ZNF761: variants seen among roughly 807,000 people sequenced by gnomAD.
The protein encoded by ZNF761 is zinc finger protein 761.
A neutral mutation model predicts 59.9 loss-of-function variants in ZNF761; 43 were observed. The ratio of observed to expected loss-of-function variants is 0.72; its 90% CI spans 0.56 to 0.92. The LOEUF is 0.92. Among genes scored for constraint, ZNF761 ranks in the 40% least tolerant of loss-of-function variants. The probability of loss-of-function intolerance (pLI) is 0.00; values close to 1 mark genes in which losing one functional copy is unlikely to be tolerated. For missense variants in ZNF761, 850 were observed against 906.1 expected (o/e 0.94, Z 0.79); for synonymous variants, 294 against 304.8 (o/e 0.96, Z 0.37).
At chr19:53,451,505 C>CCTGT in intron 4 of ZNF761, among the ~76,000 whole-genome samples, 1 of 152,256 alleles carries the variant, frequency 6.6e-6, no homozygotes, top group South Asian at 2.1e-4. Context: ...CCGCACCCAG[C>CCTGT]CTGTCTGTCT....
chr19:53,442,877 GTGA>G (rs2086114708), intron 1 of ZNF761: 1 of 350,480 alleles, frequency 2.9e-6, no homozygotes, highest in African/African-American at 3.3e-5. Flanking sequence ...AAATCATGTT[GTGA>G]AAAAAAAAAT....
In ZNF761 at chr19:53,456,345, A is replaced by G; in HGVS notation, c.1838A>G (p.Lys613Arg). Reference sequence around the variant, plus strand: ...CCTTACAAGTGTAATGAGTGTGGCAAGACCTTCAGTCGGACGTCATCCCTT... The same window carrying G: ...CCTTACAAGTGTAATGAGTGTGGCAGGACCTTCAGTCGGACGTCATCCCTT... ...ENPYKCNECG[K>R]TFSRTSSLTC... The change falls in exon 5 of 5, where the codon AAG (lysine) becomes AGG (arginine). Residue 613 changes from lysine to arginine, a missense_variant. Coordinates refer to ENST00000684525, the MANE Select transcript of ZNF761 (RefSeq NM_001289951.2). The G allele has an allele frequency of 1.2e-6, 2 of 1,611,578 alleles. No homozygotes were observed. Among genetic ancestry groups the G allele is most frequent in the Non-Finnish European group, 8.5e-7 (1 of 1,178,140 alleles).
At chr19:53,440,146 C>CA (rs2086083802) in intron 1 of ZNF761, among the ~76,000 whole-genome samples, 1 of 129,646 alleles carries the variant, frequency 7.7e-6, no homozygotes, top group East Asian at 2.0e-4. Flanking sequence ...GTGAGACCCC[C>CA]CCGTCTTGGC....
intron 1 of ZNF761, among the ~76,000 whole-genome samples, chr19:53,445,573 C>T (rs1165507235): frequency 6.6e-6 from 1 of 152,028 alleles, no homozygotes; most frequent in Non-Finnish European, 1.5e-5. Context: ...TGACCCAGTC[C>T]CCTGAAATGA....
chr19:53,436,463 A>G (rs1420733668), intron 1 of ZNF761, among the ~76,000 whole-genome samples: 1 of 152,204 alleles, frequency 6.6e-6, no homozygotes, highest in East Asian at 1.9e-4. Context: ...ACAAACTCTA[A>G]TAAGGTGAAT....
rs7258770 is a variant in ZNF761, at chr19:53,456,313, A to G, written c.1806A>G (p.Glu602=). The change falls in exon 5 of 5, where the codon GAA becomes GAG. Residue 602 remains glutamate (E), a synonymous_variant. Coordinates refer to ENST00000684525, the MANE Select transcript of ZNF761 (RefSeq NM_001289951.2). ...AAATACATCAGAAAATTCATACTGA[A>G]GAGAATCCTTACAAGTGTAATGAGT... The part of the protein sequence containing the change: ...NLEIHQKIHT[E]ENPYKCNECG... The G allele has an allele frequency of 1.6e-3, 2,538 of 1,611,188 alleles. 30 individuals carry two copies. The African/African-American group carries it at 0.031, about 19-fold the overall frequency.
intron 1 of ZNF761, among the ~76,000 whole-genome samples, chr19:53,433,853 A>C (rs1046286833): frequency 1.3e-5 from 2 of 151,802 alleles, no homozygotes; most frequent in African/African-American, 4.9e-5. Context: ...CTAAAGACGG[A>C]CTCAAGAGTC....
Position 53,457,042 on chromosome 19 carries a change from A to G in ZNF761, c.*294A>G, listed in dbSNP as rs1373733694. The G allele has an allele frequency of 3.2e-6, 2 of 634,588 alleles. No homozygotes were observed. Among genetic ancestry groups the G allele is most frequent in the South Asian group, 3.4e-5 (2 of 59,578 alleles). The allele number at this position is 634,588 out of a possible 1,614,324, so 39.3% of individuals were successfully genotyped here. A position where few individuals can be genotyped will look rare whatever the true frequency, so the allele number is the denominator to read the frequency against. On this transcript the variant is annotated 3_prime_UTR_variant, in exon 5 of 5. Transcript: ENST00000684525. ...GGGCATGATTCGCACCTGGCACAAC[A>G]TGCTAGAATTCACACTGGAGAGAAA...
rs1449519697 is a variant in ZNF761, at chr19:53,455,392, G to A, written c.885G>A (p.Glu295=). 1 of 1,613,922 alleles carries A rather than the reference G, an allele frequency of 6.2e-7. No homozygotes were observed. Among genetic ancestry groups the A allele is most frequent in the Non-Finnish European group, 8.5e-7 (1 of 1,180,030 alleles). The change falls in exon 5 of 5, where the codon GAG becomes GAA. Residue 295 remains glutamate (E), a synonymous_variant. Transcript: ENST00000684525. ...GCCATCGTAGACTTCATACTGGAGA[G>A]AAACCTTACAAATGTGAAGAATGTG... ...LTCHRRLHTG[E]KPYKCEECDK...
chr19:53,449,840 C>A, intron 4 of ZNF761: 1 of 1,331,178 alleles, frequency 7.5e-7, no homozygotes, highest in Non-Finnish European at 1.0e-6. Flanking sequence ...GTGCATGCCA[C>A]CATGTTTGGG....
chr19:53,436,537 A>G (rs1465023964), intron 1 of ZNF761, among the ~76,000 whole-genome samples: 1 of 152,212 alleles, frequency 6.6e-6, no homozygotes, highest in Admixed American at 6.5e-5. Context: ...AGCTGATCTT[A>G]TCTCAGATGA....
At chr19:53,452,004 T>A (rs2086226367) in intron 4 of ZNF761, among the ~76,000 whole-genome samples, 1 of 152,164 alleles carries the variant, frequency 6.6e-6, no homozygotes, top group Non-Finnish European at 1.5e-5. Context: ...CTCGGTGATG[T>A]TGATGAGATG....
intron 1 of ZNF761, among the ~76,000 whole-genome samples, chr19:53,441,583 A>G (rs1600086873): frequency 1.3e-5 from 2 of 151,638 alleles, no homozygotes; most frequent in South Asian, 4.2e-4. Flanking sequence ...AGTATGTGGG[A>G]CTACAGTCCC....
chr19:53,434,225 G>A (rs1274326805), intron 1 of ZNF761, among the ~76,000 whole-genome samples: 1 of 152,176 alleles, frequency 6.6e-6, no homozygotes, highest in Non-Finnish European at 1.5e-5. Context: ...AGTCTTTCAG[G>A]AGGCAAATCT....
At chr19:53,443,135 G>A (rs1161267886) in intron 1 of ZNF761, 1 of 182,172 alleles carries the variant, frequency 5.5e-6, no homozygotes, top group African/African-American at 2.4e-5. Context: ...AAGTTTGATT[G>A]TTTCAGTGTG....
chr19:53,436,747 TG>T (rs1228362004), intron 1 of ZNF761, among the ~76,000 whole-genome samples: 2 of 152,218 alleles, frequency 1.3e-5, no homozygotes, highest in African/African-American at 2.4e-5. Context: ...CTGGGGATAA[TG>T]TCTTTTATCA....
rs137916289 is a variant in ZNF761, at chr19:53,451,030, A to G, written c.142+1392A>G. ...AAAAATTCCATAACCTGCAAAAACTATTTCTCCACTAGAACTCTGTATTTA... is the reference window on the plus strand; with the variant it reads ...AAAAATTCCATAACCTGCAAAAACTGTTTCTCCACTAGAACTCTGTATTTA... On this transcript the variant is annotated intron_variant, in intron 4 of 4. Coordinates refer to ENST00000684525, the MANE Select transcript of ZNF761 (RefSeq NM_001289951.2). 3.7e-4 allele frequency among the ~76,000 whole-genome samples: 56 copies of G among 151,374 alleles called. 1 individual carries two copies. The highest frequency in any genetic ancestry group is 1.2e-3 in the African/African-American group (49 of 41,252).
chr19:53,455,069 A>G lies in ZNF761; in HGVS notation c.562A>G (p.Ile188Val), dbSNP rs760384120. 5.0e-6 allele frequency: 8 copies of G among 1,614,050 alleles called. No individual in the cohort carries two copies. In the Admixed American group the frequency reaches 1.0e-4, roughly 20 times the overall value. ...QRISCRPKTH[I>V]SNNHGNNFWN... ...AATTTCTTGTAGGCCCAAAACCCAT[A>G]TATCTAATAACCATGGGAATAATTT... The change falls in exon 5 of 5, where the codon ATA (isoleucine) becomes GTA (valine). Residue 188 changes from isoleucine (I) to valine (V), a missense_variant. Coordinates refer to ENST00000684525, the MANE Select transcript of ZNF761 (RefSeq NM_001289951.2).
At chr19:53,440,597 T>C (rs1167494304) in intron 1 of ZNF761, among the ~76,000 whole-genome samples, 1 of 152,176 alleles carries the variant, frequency 6.6e-6, no homozygotes, top group East Asian at 1.9e-4. Context: ...CTGTTCCCTT[T>C]TTGCAGGATG....
Sources: gnomAD v4.1 joint callset for allele counts (sites outside exome capture counted in the v4.1 genomes callset) on GRCh38, gnomAD v4.1.1 for gene constraint, MANE v1.5 for transcripts, NCBI Gene and HGNC (gene_info 2026-07-23, HGNC 2026-07-21) for gene names.